The following ITGA6 variants were observed in gnomAD, a reference collection of about 807,000 sequenced individuals.
ITGA6 encodes integrin subunit alpha 6, also known as integrin alpha-6.
A neutral mutation model predicts 133.6 loss-of-function variants in ITGA6; 63 were observed. The observed-to-expected ratio is 0.47, with a 90% CI of 0.38 to 0.58. The LOEUF (loss-of-function observed/expected upper bound fraction) is 0.58, where lower values mean the gene tolerates loss of function less well. ITGA6 is among the 20% of genes least tolerant of loss of function. ITGA6 has a pLI of 0.00. For synonymous variants in ITGA6, 434 were observed against 482.0 expected (o/e 0.90, Z 1.30); for missense variants, 1,068 against 1,309.4 (o/e 0.82, Z 2.85).
intron 1 of ITGA6, among the ~76,000 whole-genome samples, chr2:172,450,643 A>G (rs1195161271): frequency 6.6e-6 from 1 of 151,974 alleles, no homozygotes; most frequent in Non-Finnish European, 1.5e-5. Context: ...ACCTGGGTAG[A>G]TGGTGTACAT....
At chr2:172,469,444 AC>A in intron 4 of ITGA6, 64 bp downstream of exon 4, 1 of 1,476,926 alleles carries the variant, frequency 6.8e-7, no homozygotes, top group Non-Finnish European at 9.4e-7. Flanking sequence ...ATGATTTAGT[AC>A]ATTTTGAGCT....
intron 11 of ITGA6, among the ~76,000 whole-genome samples, chr2:172,483,627 A>AT (rs1189137423): frequency 6.6e-6 from 1 of 152,090 alleles, no homozygotes; most frequent in East Asian, 1.9e-4. Context: ...AAGTAAAAAA[A>AT]TGAGATTCTG....
intron 9 of ITGA6, 134 bp from the exon 10 acceptor site, chr2:172,479,506 GA>G (rs1327644995): frequency 1.3e-6 from 1 of 773,602 alleles, no homozygotes; most frequent in Non-Finnish European, 2.3e-6. Context: ...AGCAATGGGG[GA>G]AAACGTCACG....
chr2:172,470,447 C>CT (rs1179853620), intron 4 of ITGA6, among the ~76,000 whole-genome samples: 1 of 152,056 alleles, frequency 6.6e-6, no homozygotes, highest in African/African-American at 2.4e-5. Flanking sequence ...TAAACCTGAC[C>CT]TAAAATGTCG....
chr2:172,472,821 G>A (rs767348054), intron 5 of ITGA6: 1 of 1,612,696 alleles, frequency 6.2e-7, no homozygotes, highest in Non-Finnish European at 8.5e-7. Context: ...TGATCAGTTT[G>A]TTTATAAAAC....
intron 11 of ITGA6, among the ~76,000 whole-genome samples, chr2:172,484,430 C>CGG (rs1452103576): frequency 6.6e-6 from 1 of 152,092 alleles, no homozygotes; most frequent in Non-Finnish European, 1.5e-5. Context: ...TTTAGGTGCT[C>CGG]GGGGGAGTGT....
intron 5 of ITGA6, among the ~76,000 whole-genome samples, chr2:172,473,366 T>C (rs1003514045): frequency 2.6e-5 from 4 of 152,220 alleles, no homozygotes; most frequent in Non-Finnish European, 5.9e-5. Flanking sequence ...CTGATACCAA[T>C]GACAACTTCC....
chr2:172,434,165 A>G (rs1684221865), intron 1 of ITGA6, among the ~76,000 whole-genome samples: 1 of 152,214 alleles, frequency 6.6e-6, no homozygotes, highest in South Asian at 2.1e-4. Flanking sequence ...TTGATGACAA[A>G]ACTGCCTAAG....
rs1266633776 is a variant in ITGA6 at position 172,469,394 on chromosome 2, A to G, written c.643+14A>G. 4 of 1,610,994 alleles carry G rather than the reference A, an allele frequency of 2.5e-6. No individual in the cohort carries two copies. The highest frequency in any genetic ancestry group is 3.4e-6 in the Non-Finnish European group (4 of 1,177,230). On this transcript the variant is annotated intron_variant, in intron 4 of 25. Transcript: ENST00000684293. ...ATAACTGGAAAGGTATGACCTTTGT[A>G]TTTATAGAAATAGAGATTAGTTCCC...
At chr2:172,463,129 T>G (rs572670985) in intron 1 of ITGA6, among the ~76,000 whole-genome samples, 4 of 152,210 alleles carry the variant, frequency 2.6e-5, no homozygotes, top group African/African-American at 9.6e-5. Flanking sequence ...GATTGAGGAG[T>G]GGGGGCAATT....
At chr2:172,465,402 C>A in intron 1 of ITGA6, 137 bp from the exon 2 acceptor site, 2 of 1,030,548 alleles carry the variant, frequency 1.9e-6, no homozygotes, top group East Asian at 4.7e-5. Context: ...CATTTGTTCT[C>A]ACTCACTGCC....
chr2:172,490,449 A>G (rs1686874911), intron 20 of ITGA6, among the ~76,000 whole-genome samples: 1 of 152,230 alleles, frequency 6.6e-6, no homozygotes, highest in African/African-American at 2.4e-5. Context: ...ATCAGTGATC[A>G]GAGTTGGTGG....
rs542568552 is a variant in ITGA6, at chr2:172,444,852, G to A, written c.182+16882G>A. Among the ~76,000 whole-genome samples, 6 of 152,038 alleles carry A rather than the reference G, an allele frequency of 3.9e-5. No homozygotes were observed. In the East Asian group the frequency reaches 5.8e-4, roughly 15 times the overall value. On this transcript the variant is annotated intron_variant, in intron 1 of 25. Transcript: ENST00000684293. ...CGTGCTATGGCCACCATCTGTGCTC[G>A]CTAATTGGTTCCCAAGCCATACTGG... is the stretch of plus-strand genomic sequence containing the variant.
intron 24 of ITGA6, 53 bp from the exon 25 acceptor site, chr2:172,501,719 T>C: frequency 6.3e-7 from 1 of 1,585,204 alleles, no homozygotes; most frequent in Non-Finnish European, 8.6e-7. Context: ...TTCTGTTGTT[T>C]GGCTCTTATA....
chr2:172,434,974 A>C (rs1452776261), intron 1 of ITGA6, among the ~76,000 whole-genome samples: 1 of 151,176 alleles, frequency 6.6e-6, no homozygotes, highest in Non-Finnish European at 1.5e-5. Flanking sequence ...TATCAATGTC[A>C]CTGTGGTTTC....
In ITGA6 at chr2:172,451,777, C is replaced by T. The variant is rs918755640; in HGVS notation, c.183-13762C>T. 7.9e-5 allele frequency among the ~76,000 whole-genome samples: 12 copies of T among 152,220 alleles called. No individual in the cohort carries two copies. In the South Asian group the frequency reaches 8.3e-4, roughly 11 times the overall value. ...AGTATCGACTGACTTGTACATCCAT[C>T]TACCTTGCTGTCGTGATCGACCCTT... On this transcript the variant is annotated intron_variant, in intron 1 of 25. Coordinates refer to ENST00000684293, the MANE Select transcript of ITGA6 (RefSeq NM_000210.4).
At chr2:172,474,641 T>C (rs1317150114) in intron 6 of ITGA6, among the ~76,000 whole-genome samples, 1 of 152,192 alleles carries the variant, frequency 6.6e-6, no homozygotes, top group Non-Finnish European at 1.5e-5. Context: ...AAAACAGATA[T>C]GTGGCTGTTG....
chr2:172,476,575 A>G, intron 9 of ITGA6, 62 bp downstream of exon 9: 1 of 964,790 alleles, frequency 1.0e-6, no homozygotes, highest in South Asian at 1.3e-5. Context: ...TAAAATGTTG[A>G]CCTTTTGGAC....
At chr2:172,501,435 T>C (rs1402748211) in intron 24 of ITGA6, among the ~76,000 whole-genome samples, 2 of 152,248 alleles carry the variant, frequency 1.3e-5, no homozygotes, top group Non-Finnish European at 2.9e-5. Flanking sequence ...GGAGTTCATA[T>C]TCTCCTGCAG....
Sources: gnomAD v4.1 joint callset for allele counts (sites outside exome capture counted in the v4.1 genomes callset) on GRCh38, gnomAD v4.1.1 for gene constraint, MANE v1.5 for transcripts, NCBI Gene and HGNC (gene_info 2026-07-23, HGNC 2026-07-21) for gene names.